The following BFAR variants were observed in gnomAD, a reference collection of about 807,000 sequenced individuals.
The protein encoded by BFAR is bifunctional apoptosis regulator, also known as RING finger protein 47.
In BFAR, 52 loss-of-function variants were observed where a neutral mutation model predicts 54.4. That is an observed-to-expected ratio of 0.96 (90% CI 0.77 to 1.21). BFAR has a LOEUF of 1.21. BFAR is among the 50% of genes most tolerant of loss of function. The pLI is 0.00. For synonymous variants in BFAR, 215 were observed against 204.3 expected (o/e 1.05, Z -0.45); for missense variants, 571 against 534.0 (o/e 1.07, Z -0.68).
chr16:14,656,360 T>C (rs1208261872), intron 5 of BFAR, among the ~76,000 whole-genome samples: 1 of 151,956 alleles, frequency 6.6e-6, no homozygotes, highest in African/African-American at 2.4e-5. Flanking sequence ...ACCCCATCTC[T>C]ACAAAAAGTA....
intron 1 of BFAR, among the ~76,000 whole-genome samples, chr16:14,640,106 C>T (rs921010362): frequency 6.6e-6 from 1 of 150,830 alleles, no homozygotes; most frequent in East Asian, 1.9e-4. Flanking sequence ...GAGCCATGAT[C>T]TCACCACTGC....
intron 7 of BFAR, chr16:14,665,274 A>G (rs1960411520): frequency 1.7e-6 from 1 of 595,006 alleles, no homozygotes; most frequent in South Asian, 2.1e-5. Context: ...CTCATTGTTA[A>G]AAGTATTTTC....
In BFAR at chr16:14,634,592, G is replaced by A. The variant is rs1480884454; in HGVS notation, c.-74+1574G>A. On this transcript the variant is annotated intron_variant, in intron 1 of 7. Transcript: ENST00000261658. ...GCCTGTAATCCCAGCAGTTTGGGAG[G>A]CAGAAGTGGGAGTATCCCTTGAGCC... Among the ~76,000 whole-genome samples the A allele has an allele frequency of 2.0e-5, 3 of 152,306 alleles. 1 individual carries two copies. The highest frequency in any genetic ancestry group is 6.5e-5 in the Admixed American group (1 of 15,296).
chr16:14,662,030 G>A lies in BFAR; in HGVS notation c.922G>A (p.Asp308Asn), dbSNP rs1960305111. ...FIHTICPLQEDSSGEDIVTKL... is the reference protein window; with the variant it reads ...FIHTICPLQENSSGEDIVTKL... ...CCACACCATCTGCCCTCTGCAAGAA[G>A]ACAGCTCTGGGGAGGACATCGTCAC... The change falls in exon 6 of 8, where the codon GAC (aspartate) becomes AAC (asparagine). Residue 308 changes from aspartate to asparagine, a missense_variant. Physicochemically the swap from Asp to Asn is conservative, Grantham distance 23. Transcript: ENST00000261658. 1 of 1,614,188 alleles carries A rather than the reference G, an allele frequency of 6.2e-7. No homozygotes were observed. Among genetic ancestry groups the A allele is most frequent in the Non-Finnish European group, 8.5e-7 (1 of 1,180,034 alleles).
chr16:14,658,594 G>A (rs545026355), intron 5 of BFAR, among the ~76,000 whole-genome samples: 414 of 152,044 alleles, frequency 2.7e-3, no homozygotes, highest in Non-Finnish European at 4.1e-3. Flanking sequence ...TTAGCTGGGC[G>A]TGGTGGTGGG....
chr16:14,643,627 G>A (rs932603660), intron 1 of BFAR, among the ~76,000 whole-genome samples: 13 of 151,998 alleles, frequency 8.6e-5, no homozygotes, highest in African/African-American at 1.2e-4. Context: ...AAAATTACCC[G>A]GGCATAGTAG....
intron 6 of BFAR, 143 bp downstream of exon 6, chr16:14,662,208 C>G (rs112752815): frequency 1.0e-6 from 1 of 986,026 alleles, no homozygotes; most frequent in Middle Eastern, 2.3e-4. Context: ...AGAGTAATAT[C>G]CTTTGCTTTG....
At chr16:14,667,518 G>A in intron 7 of BFAR, 117 bp from the exon 8 acceptor site, 1 of 944,168 alleles carries the variant, frequency 1.1e-6, no homozygotes, top group Admixed American at 2.3e-5. Context: ...AGAAGACAAG[G>A]ACATTCAGCA....
chr16:14,664,612 G>A (rs1960387635), intron 6 of BFAR, among the ~76,000 whole-genome samples: 1 of 151,972 alleles, frequency 6.6e-6, no homozygotes, highest in Non-Finnish European at 1.5e-5. Flanking sequence ...TGATTCTCTT[G>A]CCTCAGCCTC....
intron 1 of BFAR, among the ~76,000 whole-genome samples, chr16:14,643,626 C>T (rs914446131): frequency 3.3e-5 from 5 of 151,968 alleles, no homozygotes; most frequent in African/African-American, 7.3e-5. Flanking sequence ...AAAAATTACC[C>T]GGGCATAGTA....
intron 4 of BFAR, chr16:14,650,382 C>T (rs1008495701): frequency 5.1e-5 from 8 of 155,688 alleles, no homozygotes; most frequent in African/African-American, 1.9e-4. Flanking sequence ...GTTTGAAGTG[C>T]ACAATCCATG....
At chr16:14,642,756 GA>G (rs1959667606) in intron 1 of BFAR, among the ~76,000 whole-genome samples, 1 of 152,196 alleles carries the variant, frequency 6.6e-6, no homozygotes, top group Admixed American at 6.5e-5. Flanking sequence ...TGCCTAATGA[GA>G]AGGCAGATTT....
chr16:14,654,943 A>G (rs1213558384), intron 4 of BFAR, 123 bp from the exon 5 acceptor site: 4 of 1,037,512 alleles, frequency 3.9e-6, no homozygotes, highest in African/African-American at 1.6e-5. Flanking sequence ...ATGTTGTTAA[A>G]TGTGAAATGT....
intron 2 of BFAR, 76 bp downstream of exon 2, chr16:14,644,685 T>C: frequency 7.1e-7 from 1 of 1,402,364 alleles, no homozygotes; most frequent in Non-Finnish European, 9.7e-7. Flanking sequence ...TTTTTTTTTT[T>C]TAACAGAGAT....
intron 1 of BFAR, among the ~76,000 whole-genome samples, chr16:14,635,059 G>T (rs755404810): frequency 6.6e-6 from 1 of 152,212 alleles, no homozygotes; most frequent in Non-Finnish European, 1.5e-5. Flanking sequence ...CCAAGGCCAG[G>T]CACGGTGGCT....
At chr16:14,649,202 A>G (rs1235028347) in intron 3 of BFAR, among the ~76,000 whole-genome samples, 1 of 151,478 alleles carries the variant, frequency 6.6e-6, no homozygotes, top group Admixed American at 6.6e-5. Flanking sequence ...CAGCTTCCCA[A>G]GTAGCTGGGA....
intron 2 of BFAR, among the ~76,000 whole-genome samples, chr16:14,648,181 A>G (rs1238914554): frequency 1.3e-5 from 2 of 152,200 alleles, no homozygotes; most frequent in African/African-American, 2.4e-5. Flanking sequence ...CTCCGTCTCA[A>G]AAAAACAAAA....
At chr16:14,657,788 C>G (rs898406247) in intron 5 of BFAR, among the ~76,000 whole-genome samples, 1 of 151,922 alleles carries the variant, frequency 6.6e-6, no homozygotes, top group Non-Finnish European at 1.5e-5. Context: ...GTGATCTGCC[C>G]GCCTCAGCCT....
At chr16:14,654,064 T>C (rs1304005908) in intron 4 of BFAR, among the ~76,000 whole-genome samples, 2 of 141,026 alleles carry the variant, frequency 1.4e-5, no homozygotes, top group Non-Finnish European at 3.0e-5. Flanking sequence ...CAGGCTGGAG[T>C]GCAACAGTGT....
Sources: allele counts gnomAD v4.1 joint callset (sites outside exome capture counted in the v4.1 genomes callset), GRCh38; gene constraint gnomAD v4.1.1; transcripts MANE v1.5; gene names NCBI Gene and HGNC (gene_info 2026-07-23, HGNC 2026-07-21).